The following PTPRD variants were observed in gnomAD, a reference collection of about 807,000 sequenced individuals.
PTPRD encodes the protein receptor-type tyrosine-protein phosphatase delta.
Under a neutral mutation model 214.5 loss-of-function variants are expected in PTPRD, and 34 were observed. The observed-to-expected ratio is 0.16, with a 90% CI of 0.12 to 0.21. The LOEUF (loss-of-function observed/expected upper bound fraction) is 0.21. Among genes scored for constraint, PTPRD ranks in the 10% least tolerant of loss-of-function variants. PTPRD has a pLI of 1.00. For missense variants in PTPRD, 2,545 were observed against 2,398.7 expected, an observed-to-expected ratio of 1.06 and a Z score of -1.27; for synonymous variants, 1,128 against 845.7, an observed-to-expected ratio of 1.33 and a Z score of -5.79.
At chr9:10,559,796 A>T (rs959483824) in intron 2 of PTPRD, among the ~76,000 whole-genome samples, 3 of 152,274 alleles carry the variant, frequency 2.0e-5, no homozygotes, top group East Asian at 1.9e-4. Flanking sequence ...CAGCCAAAAA[A>T]CACATGAAAA....
intron 2 of PTPRD, among the ~76,000 whole-genome samples, chr9:10,390,491 G>C (rs75433739): frequency 0.012 from 1,838 of 151,866 alleles, 21 homozygotes; most frequent in South Asian, 0.025. Context: ...TTCTGCCCAC[G>C]AGTTTGCAGT....
intron 3 of PTPRD, among the ~76,000 whole-genome samples, chr9:10,213,847 A>G (rs1211251184): frequency 1.3e-5 from 2 of 152,034 alleles, no homozygotes; most frequent in African/African-American, 4.8e-5. Context: ...TTTCTTATTC[A>G]TTTATAATTT....
chr9:8,321,285 G>A (rs963547674), intron 44 of PTPRD, among the ~76,000 whole-genome samples: 7 of 151,396 alleles, frequency 4.6e-5, no homozygotes, highest in African/African-American at 9.7e-5. Context: ...TTGATAGCTC[G>A]AATGCAACAA....
chr9:9,888,212 G>C (rs1033278875), intron 5 of PTPRD, among the ~76,000 whole-genome samples: 1 of 152,124 alleles, frequency 6.6e-6, no homozygotes, highest in East Asian at 1.9e-4. Flanking sequence ...TGTTATGGAG[G>C]AATCTGTCAG....
At chr9:10,402,508 A>G (rs1157797681) in intron 2 of PTPRD, among the ~76,000 whole-genome samples, 1 of 151,752 alleles carries the variant, frequency 6.6e-6, no homozygotes, top group Non-Finnish European at 1.5e-5. Context: ...TAGTATCTGA[A>G]GATTTCTGAA....
intron 7 of PTPRD, among the ~76,000 whole-genome samples, chr9:9,633,241 G>A (rs1319877282): frequency 6.6e-6 from 1 of 151,904 alleles, no homozygotes; most frequent in Non-Finnish European, 1.5e-5. Context: ...GTTGAAGTAA[G>A]CCTAGATCAC....
Position 8,424,595 on chromosome 9 carries a change from CTA to C in PTPRD, c.4086+11995_4086+11996del, listed in dbSNP as rs568672774. On this transcript the variant is annotated intron_variant, in intron 35 of 45. Coordinates refer to ENST00000381196, the MANE Select transcript of PTPRD (RefSeq NM_002839.4). ...TAGACTCTGAAACTCTATGGAAAGA[CTA>C]TTATGATATTAAAATGTGCAGTTTA... Among the ~76,000 whole-genome samples the C allele has an allele frequency of 1.7e-3, 255 of 151,900 alleles. 1 individual carries two copies. The highest frequency in any genetic ancestry group is 5.9e-3 in the African/African-American group (246 of 41,390).
intron 10 of PTPRD, among the ~76,000 whole-genome samples, chr9:9,105,419 T>C (rs2099797129): frequency 6.6e-6 from 1 of 152,236 alleles, no homozygotes; most frequent in African/African-American, 2.4e-5. Flanking sequence ...TTAGTGACTA[T>C]AGTTGATAAA....
intron 3 of PTPRD, among the ~76,000 whole-genome samples, chr9:10,113,518 C>T (rs532988178): frequency 3.2e-4 from 49 of 152,236 alleles, no homozygotes; most frequent in African/African-American, 1.1e-3. Flanking sequence ...ATAATGGATG[C>T]CATGTTTTTC....
At chr9:8,756,101 C>G (rs138837352) in intron 11 of PTPRD, among the ~76,000 whole-genome samples, 4 of 152,270 alleles carry the variant, frequency 2.6e-5, no homozygotes, top group Non-Finnish European at 5.9e-5. Context: ...GGGAAGGCCC[C>G]TGGGGCCAAG....
intron 11 of PTPRD, among the ~76,000 whole-genome samples, chr9:8,844,936 A>C (rs949862167): frequency 2.0e-5 from 3 of 152,200 alleles, no homozygotes; most frequent in African/African-American, 7.2e-5. Flanking sequence ...TCCAATTAAA[A>C]ATGGACATTA....
chr9:8,950,853 C>A (rs886696670), intron 11 of PTPRD, among the ~76,000 whole-genome samples: 3 of 151,994 alleles, frequency 2.0e-5, no homozygotes, highest in Non-Finnish European at 4.4e-5. Context: ...GAACCTGGGT[C>A]TACCTACTCT....
chr9:9,434,661 G>C (rs1277892268), intron 8 of PTPRD, among the ~76,000 whole-genome samples: 1 of 151,816 alleles, frequency 6.6e-6, no homozygotes. Flanking sequence ...GCATGGTACT[G>C]GCATAAAAAT....
chr9:8,423,840 A>G (rs2094505079), intron 35 of PTPRD, among the ~76,000 whole-genome samples: 1 of 151,918 alleles, frequency 6.6e-6, no homozygotes, highest in African/African-American at 2.4e-5. Flanking sequence ...CCTTGATTTT[A>G]TTTACCTAGA....
intron 9 of PTPRD, among the ~76,000 whole-genome samples, chr9:9,396,082 G>T (rs936062077): frequency 3.9e-5 from 6 of 152,140 alleles, no homozygotes; most frequent in South Asian, 2.1e-4. Flanking sequence ...AGGGAAAACA[G>T]ACATAGAAGC....
chr9:8,353,499 C>T (rs556182715), intron 39 of PTPRD, among the ~76,000 whole-genome samples: 3 of 151,634 alleles, frequency 2.0e-5, no homozygotes, highest in Non-Finnish European at 2.9e-5. Flanking sequence ...CTGGTGTGAT[C>T]TCGGCTCATC....
chr9:10,596,766 G>C (rs1219640961), intron 2 of PTPRD, among the ~76,000 whole-genome samples: 2 of 151,474 alleles, frequency 1.3e-5, no homozygotes, highest in South Asian at 2.1e-4. Context: ...ATTTATATAT[G>C]TGAGAACTGG....
At chr9:9,177,901 C>T (rs2099925889) in intron 10 of PTPRD, among the ~76,000 whole-genome samples, 1 of 152,034 alleles carries the variant, frequency 6.6e-6, no homozygotes, top group Admixed American at 6.6e-5. Context: ...TGATGGTATC[C>T]AGACACTATT....
At chr9:9,049,590 C>A (rs1008469481) in intron 10 of PTPRD, among the ~76,000 whole-genome samples, 1 of 152,002 alleles carries the variant, frequency 6.6e-6, no homozygotes, top group South Asian at 2.1e-4. Context: ...TTTTTTTTAG[C>A]AAAACGTTCC....
Sources: gnomAD v4.1 joint callset for allele counts (sites outside exome capture counted in the v4.1 genomes callset) on GRCh38, gnomAD v4.1.1 for gene constraint, MANE v1.5 for transcripts, NCBI Gene and HGNC (gene_info 2026-07-23, HGNC 2026-07-21) for gene names.